PDE1C: variants seen among roughly 807,000 people sequenced by gnomAD.
The protein encoded by PDE1C is dual specificity calcium/calmodulin-dependent 3',5'-cyclic nucleotide phosphodiesterase 1C.
Under a neutral mutation model 93.1 loss-of-function variants are expected in PDE1C, and 62 were observed. The ratio of observed to expected loss-of-function variants is 0.67; its 90% CI spans 0.54 to 0.82. The LOEUF (loss-of-function observed/expected upper bound fraction) is 0.82. PDE1C is among the 40% of genes least tolerant of loss of function. PDE1C has a pLI of 0.00. For missense variants in PDE1C, 742 were observed against 884.6 expected, an observed-to-expected ratio of 0.84 and a Z score of 2.04; for synonymous variants, 325 against 310.1, an observed-to-expected ratio of 1.05 and a Z score of -0.50.
At chr7:32,072,083 T>A (rs1007262316), upstream of PDE1C, among the ~76,000 whole-genome samples, 1 of 152,226 alleles carries the variant, frequency 6.6e-6, no homozygotes, top group East Asian at 1.9e-4. Context: ...TAAAGTTCCA[T>A]TCACCTGACC....
intron 2 of PDE1C, among the ~76,000 whole-genome samples, chr7:32,203,741 T>A (rs1174960545): frequency 1.3e-5 from 2 of 152,200 alleles, no homozygotes; most frequent in Non-Finnish European, 2.9e-5. Flanking sequence ...ATTCTGCTCA[T>A]GTCTACCCTC....
At position 32,354,892 on chromosome 7, in the gene PDE1C, C is replaced by A. The variant is rs772593746; in HGVS notation, c.310+72930G>T. ...CTAAGGCCTAAGGGCCCTGATGACTCTTTAAGCTTTTTCTTTTTACATTCC... is the reference window on the plus strand; with the variant it reads ...CTAAGGCCTAAGGGCCCTGATGACTATTTAAGCTTTTTCTTTTTACATTCC... On this transcript the variant is annotated intron_variant, in intron 1 of 1. Coordinates refer to the PDE1C transcript ENST00000672256. Among the ~76,000 whole-genome samples, 9 of 152,340 alleles carry A rather than the reference C, an allele frequency of 5.9e-5. No homozygotes were observed. In the South Asian group the frequency reaches 1.0e-3, roughly 18 times the overall value.
chr7:32,261,604 G>GCTGTAA (rs1266184744), intron 1 of PDE1C, among the ~76,000 whole-genome samples: 1 of 152,192 alleles, frequency 6.6e-6, no homozygotes, highest in African/African-American at 2.4e-5. Context: ...TTTACAGTGG[G>GCTGTAA]ATTGACAGAA....
At chr7:31,934,832 T>C (rs1022295799) in intron 2 of PDE1C, among the ~76,000 whole-genome samples, 1 of 152,176 alleles carries the variant, frequency 6.6e-6, no homozygotes, top group Non-Finnish European at 1.5e-5. Context: ...ATAGGATCTC[T>C]GTGGGCCAGA....
chr7:32,188,239 T>A (rs906011449), intron 2 of PDE1C, among the ~76,000 whole-genome samples: 1 of 151,554 alleles, frequency 6.6e-6, no homozygotes, highest in Admixed American at 6.6e-5. Context: ...CTAAAAAAAA[T>A]TATTTCTATT....
At position 32,166,208 on chromosome 7, in the gene PDE1C, G is replaced by T. The variant is rs547217466; in HGVS notation, c.308+3577C>A. On this transcript the variant is annotated intron_variant, in intron 3 of 18. Coordinates refer to the PDE1C transcript ENST00000396193. Reference sequence around the variant, plus strand: ...TTATAAAGCTGGGGAGTTGGGTGGTGGGGGAGAGAAAAACAGAGGTTTGAA... The same window carrying T: ...TTATAAAGCTGGGGAGTTGGGTGGTTGGGGAGAGAAAAACAGAGGTTTGAA... 9.9e-5 allele frequency among the ~76,000 whole-genome samples: 15 copies of T among 152,250 alleles called. 1 individual carries two copies. The highest frequency in any genetic ancestry group is 2.9e-4 in the African/African-American group (12 of 41,560).
the PDE1C span, among the ~76,000 whole-genome samples, chr7:31,665,123 T>C: frequency 6.6e-6 from 1 of 152,212 alleles, no homozygotes; most frequent in African/African-American, 2.4e-5. Flanking sequence ...ATGGGTCTTC[T>C]TGCTATTTTC....
At chr7:32,365,418 C>A (rs1784211122) in intron 1 of PDE1C, among the ~76,000 whole-genome samples, 1 of 152,146 alleles carries the variant, frequency 6.6e-6, no homozygotes, top group South Asian at 2.1e-4. Context: ...GCAGACATAC[C>A]CTCAGGCCAG....
chr7:31,814,305 C>T lies in PDE1C; in HGVS notation c.1813+1619G>A, dbSNP rs142135647. 6.5e-3 allele frequency among the ~76,000 whole-genome samples: 983 copies of T among 151,942 alleles called. 12 individuals carry two copies. Among genetic ancestry groups the T allele is most frequent in the African/African-American group, 0.023 (934 of 41,456 alleles). On this transcript the variant is annotated intron_variant, in intron 15 of 17. Coordinates refer to ENST00000396191, the MANE Select transcript of PDE1C (RefSeq NM_001191057.4). Reference sequence around the variant, plus strand: ...GTACATGAAAAATTCTTATTAAATTCTTTATAACTTTTTTTTCCAGACTAT... The same window carrying T: ...GTACATGAAAAATTCTTATTAAATTTTTTATAACTTTTTTTTCCAGACTAT...
At chr7:32,160,745 G>C (rs1221773602) in intron 3 of PDE1C, among the ~76,000 whole-genome samples, 1 of 152,078 alleles carries the variant, frequency 6.6e-6, no homozygotes, top group South Asian at 2.1e-4. Flanking sequence ...AGGAGGCAGA[G>C]GTTACGGTGA....
intron 11 of PDE1C, among the ~76,000 whole-genome samples, chr7:31,835,176 TA>T (rs1474493526): frequency 1.3e-5 from 2 of 152,168 alleles, no homozygotes; most frequent in Non-Finnish European, 2.9e-5. Context: ...CTTCCCTTTA[TA>T]AATTACCCAG....
chr7:32,104,671 G>A (rs959031488), intron 3 of PDE1C, among the ~76,000 whole-genome samples: 4 of 152,038 alleles, frequency 2.6e-5, no homozygotes, highest in African/African-American at 9.7e-5. Context: ...TGGGACTGGT[G>A]GTCTAAGGAA....
rs1302397600 is a variant in PDE1C at position 32,089,656 on chromosome 7, C to G, written c.308+80129G>C. ...TCATTTGAGGGTCTGCACGGCCATG[C>G]TATAATGGTTCCCGAGACCTCAGGG... On this transcript the variant is annotated intron_variant, in intron 3 of 18. Transcript: ENST00000396193. Among the ~76,000 whole-genome samples, 3 of 152,126 alleles carry G rather than the reference C, an allele frequency of 2.0e-5. No homozygotes were observed. In the South Asian group the frequency reaches 6.2e-4, roughly 32 times the overall value.
At chr7:32,133,471 C>A (rs1800034813) in intron 3 of PDE1C, among the ~76,000 whole-genome samples, 1 of 152,054 alleles carries the variant, frequency 6.6e-6, no homozygotes, top group African/African-American at 2.4e-5. Context: ...AGTTTTTTGG[C>A]TGAAGGAACC....
rs373667914 is a variant in PDE1C at position 32,296,845 on chromosome 7, T to G, written c.85+1806A>C. 7.2e-5 allele frequency among the ~76,000 whole-genome samples: 11 copies of G among 152,318 alleles called. No homozygotes were observed. The South Asian group carries it at 8.3e-4, about 11-fold the overall frequency. On this transcript the variant is annotated intron_variant, in intron 1 of 18. Transcript: ENST00000396193. ...TAATTCTTTTCTACAAGCACTCCCT[T>G]AGCACCCACCAACACCATTTGACAG...
chr7:32,090,756 T>C (rs1208313046), intron 3 of PDE1C, among the ~76,000 whole-genome samples: 4 of 152,154 alleles, frequency 2.6e-5, no homozygotes, highest in South Asian at 2.1e-4. Context: ...GGTTATACTA[T>C]GATTTGCATA....
chr7:31,862,518 A>ATACTGAATGCCATAGGCCGGGTGAC (rs1794802021), intron 7 of PDE1C, among the ~76,000 whole-genome samples: 1 of 152,250 alleles, frequency 6.6e-6, no homozygotes, highest in Non-Finnish European at 1.5e-5. Flanking sequence ...GAAGCTTAAG[A>ATACTGAATGCCATAGGCCGGGTGAC]TCAAGGCGCT....
At chr7:31,839,969 G>A (rs1040097839) in intron 9 of PDE1C, among the ~76,000 whole-genome samples, 4 of 152,136 alleles carry the variant, frequency 2.6e-5, no homozygotes. Context: ...CCTAGGAGGT[G>A]GAAGTTGCAA....
At chr7:32,212,796 C>G (rs1178414003) in intron 1 of PDE1C, among the ~76,000 whole-genome samples, 3 of 152,168 alleles carry the variant, frequency 2.0e-5, no homozygotes, top group African/African-American at 7.2e-5. Flanking sequence ...TCCCCCAGAT[C>G]TTTGCCCATA....
Sources: gnomAD v4.1 joint callset for allele counts (sites outside exome capture counted in the v4.1 genomes callset) on GRCh38, gnomAD v4.1.1 for gene constraint, MANE v1.5 for transcripts, NCBI Gene and HGNC (gene_info 2026-07-23, HGNC 2026-07-21) for gene names.